Variants in KCNH7 observed in about 807,000 individuals in gnomAD.
The protein encoded by KCNH7 is potassium voltage-gated channel subfamily H member 7, also known as voltage-gated inwardly rectifying potassium channel KCNH7.
Under a neutral mutation model 120.8 loss-of-function variants are expected in KCNH7, and 49 were observed. The observed-to-expected ratio is 0.41, with a 90% CI of 0.32 to 0.51. The LOEUF (loss-of-function observed/expected upper bound fraction) is 0.51. Among genes scored for constraint, KCNH7 ranks in the 20% least tolerant of loss-of-function variants. KCNH7 has a pLI of 0.38. For synonymous variants in KCNH7, 547 were observed against 516.1 expected, an observed-to-expected ratio of 1.06 and a Z score of -0.81; for missense variants, 1,097 against 1,446.6, an observed-to-expected ratio of 0.76 and a Z score of 3.92.
At chr2:162,403,475 A>G (rs926332003) in intron 9 of KCNH7, among the ~76,000 whole-genome samples, 7 of 151,984 alleles carry the variant, frequency 4.6e-5, no homozygotes, top group African/African-American at 1.7e-4. Flanking sequence ...ATGTACAGAT[A>G]TGTTATCGGA....
At chr2:162,816,988 C>T (rs76723267) in intron 2 of KCNH7, among the ~76,000 whole-genome samples, 4,016 of 152,022 alleles carry the variant, frequency 0.026, 164 homozygotes, top group African/African-American at 0.09. Context: ...TTCCTTTATA[C>T]GCATTTATTT....
At chr2:162,469,373 C>G (rs574685885) in intron 6 of KCNH7, among the ~76,000 whole-genome samples, 4 of 152,288 alleles carry the variant, frequency 2.6e-5, no homozygotes, top group Admixed American at 2.0e-4. Flanking sequence ...TCCTTGAACT[C>G]AAGATACTCT....
intron 5 of KCNH7, among the ~76,000 whole-genome samples, chr2:162,510,161 C>T (rs1407403604): frequency 1.3e-5 from 2 of 151,600 alleles, no homozygotes; most frequent in Non-Finnish European, 3.0e-5. Flanking sequence ...AACTTTTCCA[C>T]TCTTTCACAA....
At chr2:162,456,038 A>G (rs1688949815) in intron 6 of KCNH7, among the ~76,000 whole-genome samples, 1 of 151,946 alleles carries the variant, frequency 6.6e-6, no homozygotes, top group Non-Finnish European at 1.5e-5. Flanking sequence ...TAGGGTGTTG[A>G]TTTGAGATCT....
chr2:162,817,500 C>T (rs188289109), intron 2 of KCNH7, among the ~76,000 whole-genome samples: 51 of 152,042 alleles, frequency 3.4e-4, no homozygotes, highest in African/African-American at 1.1e-3. Context: ...CAGATTTAGG[C>T]TATTATAAAT....
At chr2:162,806,427 T>C (rs533201818) in intron 2 of KCNH7, among the ~76,000 whole-genome samples, 1 of 152,278 alleles carries the variant, frequency 6.6e-6, no homozygotes, top group South Asian at 2.1e-4. Flanking sequence ...TGCCAGAAAA[T>C]AGTAAATGCC....
Position 162,435,266 on chromosome 2 carries a change from C to A in KCNH7, c.1886G>T (p.Gly629Val). ...CGTGTTAGGAGACACATTCCCGAAT[C>A]CTACACTGGTTAAACTGCTGAAGGT... Reference protein sequence around the residue: ...YFTFSSLTSVGFGNVSPNTNS... With the variant: ...YFTFSSLTSVVFGNVSPNTNS... The change falls in exon 8 of 16, where the codon GGA (glycine) becomes GTA (valine). Residue 629 changes from glycine (G) to valine (V), a missense_variant. By Grantham distance (109) the Gly-to-Val change is moderately radical. Coordinates refer to ENST00000332142, the MANE Select transcript of KCNH7 (RefSeq NM_033272.4). The A allele has an allele frequency of 6.2e-7, 1 of 1,613,614 alleles. No individual in the cohort carries two copies. Among genetic ancestry groups the A allele is most frequent in the Non-Finnish European group, 8.5e-7 (1 of 1,179,742 alleles).
intron 2 of KCNH7, among the ~76,000 whole-genome samples, chr2:162,781,594 G>A (rs1683489948): frequency 6.6e-6 from 1 of 152,148 alleles, no homozygotes; most frequent in African/African-American, 2.4e-5. Flanking sequence ...CAGCAGTGAT[G>A]TGGTAAGTAA....
chr2:162,791,975 G>GTT (rs534822757), intron 2 of KCNH7, among the ~76,000 whole-genome samples: 21 of 148,372 alleles, frequency 1.4e-4, no homozygotes, highest in African/African-American at 4.9e-4. Flanking sequence ...AATTTATCGA[G>GTT]TTTTTTTTTT....
At chr2:162,781,722 T>G (rs1683499539) in intron 2 of KCNH7, among the ~76,000 whole-genome samples, 1 of 152,128 alleles carries the variant, frequency 6.6e-6, no homozygotes, top group Non-Finnish European at 1.5e-5. Flanking sequence ...AGATACTTGG[T>G]TTTAAACTGT....
At chr2:162,749,539 T>C (rs1688469586) in intron 2 of KCNH7, among the ~76,000 whole-genome samples, 1 of 152,144 alleles carries the variant, frequency 6.6e-6, no homozygotes, top group Admixed American at 6.6e-5. Flanking sequence ...GTGTAAAACA[T>C]TCAGCAGACT....
intron 9 of KCNH7, among the ~76,000 whole-genome samples, chr2:162,412,181 A>G (rs556149117): frequency 6.6e-5 from 10 of 152,218 alleles, no homozygotes; most frequent in Middle Eastern, 3.4e-3. Flanking sequence ...ATCTATAAGC[A>G]GGTAAAAATG....
intron 2 of KCNH7, among the ~76,000 whole-genome samples, chr2:162,611,964 A>C (rs1682981743): frequency 6.6e-6 from 1 of 152,230 alleles, no homozygotes; most frequent in Admixed American, 6.5e-5. Context: ...CAGGAAGGAC[A>C]GATGTTTGGA....
intron 2 of KCNH7, among the ~76,000 whole-genome samples, chr2:162,684,589 A>C (rs533865852): frequency 3.2e-4 from 49 of 152,264 alleles, no homozygotes; most frequent in Non-Finnish European, 6.3e-4. Flanking sequence ...GCCAACAAAC[A>C]TGAAAAAAAG....
At chr2:162,601,386 AG>A (rs1252483875) in intron 2 of KCNH7, among the ~76,000 whole-genome samples, 2 of 76,100 alleles carry the variant, frequency 2.6e-5, no homozygotes, top group East Asian at 7.4e-4. Flanking sequence ...ATTTTAAAAA[AG>A]TACTTCTTGT....
chr2:162,545,587 T>C (rs1352245683), intron 2 of KCNH7, among the ~76,000 whole-genome samples: 1 of 152,216 alleles, frequency 6.6e-6, no homozygotes, highest in Non-Finnish European at 1.5e-5. Context: ...CTCAGGAATC[T>C]AGTTAAAATA....
At chr2:162,626,766 G>C (rs2105207945) in intron 2 of KCNH7, among the ~76,000 whole-genome samples, 1 of 152,160 alleles carries the variant, frequency 6.6e-6, no homozygotes, top group South Asian at 2.1e-4. Flanking sequence ...ATTAATAACT[G>C]AGCCTGTATA....
intron 2 of KCNH7, among the ~76,000 whole-genome samples, chr2:162,741,282 GTTATACATATTAATAACATATGTTATTAA>G (rs1688123350): frequency 3.5e-5 from 5 of 144,192 alleles, no homozygotes; most frequent in African/African-American, 5.1e-5. Flanking sequence ...TATGTTATTA[GTTATACATATTAATAACATATGTTATTAA>G]TTACACATAT....
chr2:162,650,250 G>A (rs1228601159), intron 2 of KCNH7, among the ~76,000 whole-genome samples: 1 of 152,100 alleles, frequency 6.6e-6, no homozygotes. Flanking sequence ...CAAAAATAAT[G>A]TAATAAAGTT....
Sources: allele counts gnomAD v4.1 joint callset (sites outside exome capture counted in the v4.1 genomes callset), GRCh38; gene constraint gnomAD v4.1.1; transcripts MANE v1.5; gene names NCBI Gene and HGNC (gene_info 2026-07-23, HGNC 2026-07-21).